Variants in CACNA2D1 observed in about 807,000 individuals in gnomAD.
CACNA2D1 encodes calcium voltage-gated channel auxiliary subunit alpha2delta 1, also known as voltage-dependent calcium channel subunit alpha-2/delta-1.
A neutral mutation model predicts 171.5 loss-of-function variants in CACNA2D1; 53 were observed. That is an observed-to-expected ratio of 0.31 (90% CI 0.25 to 0.39). The LOEUF (loss-of-function observed/expected upper bound fraction) is 0.39. Among genes scored for constraint, CACNA2D1 ranks in the 10% least tolerant of loss-of-function variants. The probability of loss-of-function intolerance (pLI) is 1.00; values close to 1 mark genes in which losing one functional copy is unlikely to be tolerated. For missense variants in CACNA2D1, 903 were observed against 1,299.8 expected (o/e 0.69, Z 4.69); for synonymous variants, 442 against 443.1 (o/e 1.00, Z 0.03).
intron 1 of CACNA2D1, among the ~76,000 whole-genome samples, chr7:82,353,491 A>C (rs1360632641): frequency 6.6e-6 from 1 of 152,124 alleles, no homozygotes; most frequent in Non-Finnish European, 1.5e-5. Flanking sequence ...CTTGAAAGAG[A>C]AATCTCCATA....
At chr7:82,405,735 C>T (rs192164349) in intron 1 of CACNA2D1, among the ~76,000 whole-genome samples, 3 of 152,192 alleles carry the variant, frequency 2.0e-5, no homozygotes, top group African/African-American at 7.2e-5. Flanking sequence ...CATTCTCCAA[C>T]CCATCATCAA....
At chr7:82,002,879 A>C (rs1420121887) in intron 18 of CACNA2D1, among the ~76,000 whole-genome samples, 1 of 151,844 alleles carries the variant, frequency 6.6e-6, no homozygotes, top group Non-Finnish European at 1.5e-5. Flanking sequence ...CTCATCTTCT[A>C]CAAAAAAAAA....
intron 3 of CACNA2D1, among the ~76,000 whole-genome samples, chr7:82,267,769 C>T (rs545827360): frequency 9.0e-4 from 137 of 152,178 alleles, no homozygotes; most frequent in Middle Eastern, 3.4e-3. Flanking sequence ...CCGAGGTGGG[C>T]GGATCACGAG....
chr7:82,284,921 T>C (rs1212114008), intron 3 of CACNA2D1, among the ~76,000 whole-genome samples: 1 of 152,140 alleles, frequency 6.6e-6, no homozygotes, highest in Non-Finnish European at 1.5e-5. Flanking sequence ...CCATTTTTTT[T>C]TTAAATAGCC....
intron 4 of CACNA2D1, among the ~76,000 whole-genome samples, chr7:82,145,855 T>G (rs1269228595): frequency 2.0e-5 from 3 of 151,066 alleles, no homozygotes; most frequent in Non-Finnish European, 4.4e-5. Context: ...AAATATAAAT[T>G]TAAAATTATT....
At chr7:82,291,419 G>A (rs1811556151) in intron 3 of CACNA2D1, among the ~76,000 whole-genome samples, 1 of 123,718 alleles carries the variant, frequency 8.1e-6, no homozygotes, top group African/African-American at 3.1e-5. Context: ...ATAATATCTA[G>A]ATATATAATA....
intron 1 of CACNA2D1, among the ~76,000 whole-genome samples, chr7:82,431,284 G>GTCATCAA (rs1315528652): frequency 6.6e-6 from 1 of 152,124 alleles, no homozygotes; most frequent in Non-Finnish European, 1.5e-5. Flanking sequence ...CTAATCCATA[G>GTCATCAA]TCATCAATTC....
At chr7:82,014,243 G>T (rs561218388) in intron 13 of CACNA2D1, among the ~76,000 whole-genome samples, 158 bp downstream of exon 13, 1 of 152,008 alleles carries the variant, frequency 6.6e-6, no homozygotes, top group Non-Finnish European at 1.5e-5. Context: ...GTCAAAATTG[G>T]TATGTGTTTT....
intron 10 of CACNA2D1, among the ~76,000 whole-genome samples, chr7:82,048,428 T>C (rs368536984): frequency 6.6e-6 from 1 of 152,156 alleles, no homozygotes; most frequent in East Asian, 1.9e-4. Context: ...TTATTTGAAG[T>C]TTAGAACTTA....
At chr7:82,394,537 C>T (rs1037524358) in intron 1 of CACNA2D1, among the ~76,000 whole-genome samples, 2 of 152,066 alleles carry the variant, frequency 1.3e-5, no homozygotes, top group African/African-American at 4.8e-5. Flanking sequence ...AAGTTTGCTT[C>T]AAAGACATTT....
At chr7:82,261,882 C>T (rs1292375843) in intron 3 of CACNA2D1, among the ~76,000 whole-genome samples, 1 of 152,160 alleles carries the variant, frequency 6.6e-6, no homozygotes, top group Non-Finnish European at 1.5e-5. Context: ...CCTGTCCTTT[C>T]TCCTGAAGAC....
intron 3 of CACNA2D1, among the ~76,000 whole-genome samples, chr7:82,197,958 C>T (rs1799020304): frequency 6.6e-6 from 1 of 151,970 alleles, no homozygotes; most frequent in African/African-American, 2.4e-5. Flanking sequence ...ATATGCAACA[C>T]ATTTTCCACA....
intron 12 of CACNA2D1, among the ~76,000 whole-genome samples, chr7:82,015,273 C>T (rs570512052): frequency 1.3e-5 from 2 of 152,218 alleles, no homozygotes; most frequent in South Asian, 2.1e-4. Flanking sequence ...TGATGGTTTT[C>T]ACCATGGAAA....
At chr7:81,956,719 C>T (rs1211087793) in intron 38 of CACNA2D1, among the ~76,000 whole-genome samples, 1 of 152,062 alleles carries the variant, frequency 6.6e-6, no homozygotes, top group East Asian at 1.9e-4. Context: ...TAGTAATGGC[C>T]ACATCTCCAT....
rs1255882683 is a variant in CACNA2D1, at chr7:82,443,694, C to A, written c.-235G>T. The A allele has an allele frequency of 8.1e-7, 1 of 1,236,350 alleles. No individual in the cohort carries two copies. Among genetic ancestry groups the A allele is most frequent in the Non-Finnish European group, 1.0e-6 (1 of 992,280 alleles). 76.6% of individuals were successfully genotyped at this position (1,236,350 alleles called of 1,614,324 possible). ...CTAGCGTGCGTCGGCTGCTCCGCGC[C>A]GCGGCCGCCTTGCCTCCGCCGCCAT... On this transcript the variant is annotated 5_prime_UTR_variant, in exon 1 of 39. Transcript: ENST00000356860.
At chr7:82,201,946 T>G (rs28434749) in intron 3 of CACNA2D1, among the ~76,000 whole-genome samples, 15,289 of 152,200 alleles carry the variant, frequency 0.1, 1,234 homozygotes, top group African/African-American at 0.22. Context: ...TTTCAGGCTC[T>G]GCTTCTAGGA....
rs185582123 is a variant in CACNA2D1 at position 82,138,541 on chromosome 7, G to T, written c.355-1865C>A. Among the ~76,000 whole-genome samples the T allele has an allele frequency of 3.2e-3, 478 of 149,966 alleles. 13 individuals carry two copies. Among genetic ancestry groups the T allele is most frequent in the Non-Finnish European group, 4.6e-3 (309 of 67,632 alleles). On this transcript the variant is annotated intron_variant, in intron 4 of 38. Coordinates refer to ENST00000356860, the MANE Select transcript of CACNA2D1 (RefSeq NM_000722.4). The stretch of plus-strand genomic sequence containing the variant: ...GGCTCACTGCAAGCTCCACCTCCTG[G>T]GTTCACGCCATTCTCCTGCCTCAGC...
intron 4 of CACNA2D1, among the ~76,000 whole-genome samples, chr7:82,162,407 C>A (rs141762441): frequency 1.3e-5 from 2 of 151,886 alleles, no homozygotes; most frequent in African/African-American, 4.8e-5. Context: ...AAGAAATCCA[C>A]GGCTAGGCTG....
At chr7:82,393,079 AAGGAAGGCAGGCAGGCAGGC>A (rs1825344603) in intron 1 of CACNA2D1, among the ~76,000 whole-genome samples, 4 of 114,064 alleles carry the variant, frequency 3.5e-5, no homozygotes, top group African/African-American at 1.5e-4. Flanking sequence ...GGAAGGAAGG[AAGGAAGGCAGGCAGGCAGGC>A]AGGCAGGCAG....
Sources: allele counts gnomAD v4.1 joint callset (sites outside exome capture counted in the v4.1 genomes callset), GRCh38; gene constraint gnomAD v4.1.1; transcripts MANE v1.5; gene names NCBI Gene and HGNC (gene_info 2026-07-23, HGNC 2026-07-21).